Variants in GLP2R observed in about 807,000 individuals in gnomAD.
GLP2R encodes glucagon like peptide 2 receptor, also known as glucagon-like peptide 2 receptor.
A neutral mutation model predicts 68.2 loss-of-function variants in GLP2R; 59 were observed. The ratio of observed to expected loss-of-function variants is 0.87; its 90% CI spans 0.70 to 1.07. The LOEUF is 1.07. Among genes scored for constraint, GLP2R ranks in the 50% least tolerant of loss-of-function variants. GLP2R has a pLI of 0.00. For synonymous variants in GLP2R, 270 were observed against 265.4 expected (o/e 1.02, Z -0.17); for missense variants, 548 against 677.4 (o/e 0.81, Z 2.12).
intron 7 of GLP2R, among the ~76,000 whole-genome samples, chr17:9,860,642 A>T (rs1321114789): frequency 6.6e-6 from 1 of 152,188 alleles, no homozygotes; most frequent in African/African-American, 2.4e-5. Flanking sequence ...CTAAGTAAGT[A>T]CTACCAAAGG....
rs35526930 is a variant in GLP2R at position 9,881,378 on chromosome 17, C to CT, written c.1284+882dup. ...AGTATAAAAGCAGGAGCTGTCAGGC[C>CT]TTTTTTTTTTTTTTTTTTTTGAGAC... On this transcript the variant is annotated intron_variant, in intron 11 of 12. Transcript: ENST00000262441. Among the ~76,000 whole-genome samples the CT allele has an allele frequency of 8.3e-3, 797 of 95,620 alleles. 15 individuals carry two copies. The highest frequency in any genetic ancestry group is 0.033 in the East Asian group (132 of 4,042). 62.7% of individuals were successfully genotyped at this position (95,620 alleles called of 152,430 possible). A position where few individuals can be genotyped will look rare whatever the true frequency, so the allele number is the denominator to read the frequency against.
chr17:9,861,966 T>G (rs1278870040), intron 8 of GLP2R, 55 bp from the exon 9 acceptor site: 4 of 1,252,954 alleles, frequency 3.2e-6, no homozygotes, highest in Non-Finnish European at 3.5e-6. Flanking sequence ...GCTTTGACTT[T>G]CAACCTCCTC....
intron 11 of GLP2R, among the ~76,000 whole-genome samples, chr17:9,882,897 C>A (rs1392742303): frequency 6.6e-6 from 1 of 151,706 alleles, no homozygotes; most frequent in Admixed American, 6.6e-5. Flanking sequence ...GAATCAGAAT[C>A]CTGAGTTGTT....
intron 2 of GLP2R, 105 bp downstream of exon 2, chr17:9,833,999 G>C: frequency 1.3e-6 from 1 of 782,170 alleles, no homozygotes; most frequent in Admixed American, 2.0e-5. Flanking sequence ...GTTTCTGTGG[G>C]TGAGGAATTC....
chr17:9,826,315 C>T (rs2066629211), intron 1 of GLP2R, 63 bp downstream of exon 1: 1 of 1,181,406 alleles, frequency 8.5e-7, no homozygotes, highest in African/African-American at 1.6e-5. Context: ...TTTAAAGAAG[C>T]AATTTAGGCC....
intron 3 of GLP2R, among the ~76,000 whole-genome samples, chr17:9,837,442 G>A (rs2066743004): frequency 6.6e-6 from 1 of 151,326 alleles, no homozygotes; most frequent in Non-Finnish European, 1.5e-5. Flanking sequence ...CCACTGTCAT[G>A]GAGAGGAGAA....
chr17:9,853,999 AC>A (rs1597388130), intron 4 of GLP2R, among the ~76,000 whole-genome samples: 1 of 152,226 alleles, frequency 6.6e-6, no homozygotes, highest in East Asian at 1.9e-4. Context: ...CAATCAGGCG[AC>A]CTGGGACTCA....
At chr17:9,872,703 G>A (rs562740878) in intron 10 of GLP2R, among the ~76,000 whole-genome samples, 5 of 152,308 alleles carry the variant, frequency 3.3e-5, no homozygotes, top group South Asian at 2.1e-4. Context: ...AGCTGGCCAC[G>A]ACCCTAGACT....
intron 5 of GLP2R, among the ~76,000 whole-genome samples, chr17:9,856,920 A>T (rs2066938545): frequency 6.6e-6 from 1 of 151,686 alleles, no homozygotes; most frequent in South Asian, 2.1e-4. Flanking sequence ...TTTGTAGGTG[A>T]TAGCTATTTT....
intron 4 of GLP2R, 100 bp downstream of exon 4, chr17:9,842,716 CT>C (rs2066799525): frequency 7.7e-7 from 1 of 1,291,424 alleles, no homozygotes; most frequent in Non-Finnish European, 1.1e-6. Flanking sequence ...CACAAAGAGG[CT>C]TCTCCAGCGC....
intron 10 of GLP2R, among the ~76,000 whole-genome samples, chr17:9,871,077 C>A (rs1381376299): frequency 1.3e-5 from 2 of 152,090 alleles, no homozygotes; most frequent in African/African-American, 2.4e-5. Context: ...TGTTAAAATG[C>A]CCCTAAGAGG....
intron 3 of GLP2R, among the ~76,000 whole-genome samples, chr17:9,838,189 G>T (rs1010372880): frequency 2.0e-5 from 3 of 152,212 alleles, no homozygotes; most frequent in Admixed American, 6.5e-5. Context: ...AGCACTGGGT[G>T]TGGAGTCAGG....
At chr17:9,836,735 A>G (rs569509113) in intron 3 of GLP2R, among the ~76,000 whole-genome samples, 4 of 152,198 alleles carry the variant, frequency 2.6e-5, no homozygotes, top group Non-Finnish European at 4.4e-5. Flanking sequence ...AAGCATGGAG[A>G]ATGGGGTATC....
chr17:9,838,383 C>T (rs901984651), intron 3 of GLP2R, among the ~76,000 whole-genome samples: 3 of 152,158 alleles, frequency 2.0e-5, no homozygotes, highest in African/African-American at 7.2e-5. Flanking sequence ...CCGCTTGGTC[C>T]GCGGGAGCTG....
At chr17:9,834,095 C>G (rs924526917) in intron 2 of GLP2R, among the ~76,000 whole-genome samples, 1 of 152,148 alleles carries the variant, frequency 6.6e-6, no homozygotes, top group Non-Finnish European at 1.5e-5. Context: ...TACACTTGGC[C>G]GGGGCTTCCA....
rs1040149179 is a variant in GLP2R at position 9,892,050 on chromosome 17, C to A, written c.*2345C>A. 6.6e-6 allele frequency: 1 copy of A among 152,238 alleles called. No individual in the cohort carries two copies. The highest frequency in any genetic ancestry group is 6.5e-5 in the Admixed American group (1 of 15,288). 9.4% of individuals were successfully genotyped at this position (152,238 alleles called of 1,614,324 possible). A position where few individuals can be genotyped will look rare whatever the true frequency, so the allele number is the denominator to read the frequency against. On this transcript the variant is annotated 3_prime_UTR_variant, in exon 13 of 13. Coordinates refer to ENST00000262441, the MANE Select transcript of GLP2R (RefSeq NM_004246.3). ...CTCACTCCACAAATGGGGTGATCAA[C>A]ACTTACTGCTTGCTCTTGTTCTGCT...
At position 9,888,449 on chromosome 17, in the gene GLP2R, T is replaced by C. The variant is rs546348422; in HGVS notation, c.1326+476T>C. On this transcript the variant is annotated intron_variant, in intron 12 of 12. Coordinates refer to ENST00000262441, the MANE Select transcript of GLP2R (RefSeq NM_004246.3). ...ATAAATGCTCAACACCTGGGAACTA[T>C]GATTACATTTTTTTAAAAATTATTT... Among the ~76,000 whole-genome samples, 4 of 152,290 alleles carry C rather than the reference T, an allele frequency of 2.6e-5. No homozygotes were observed. In the South Asian group the frequency reaches 8.3e-4, roughly 32 times the overall value.
intron 4 of GLP2R, among the ~76,000 whole-genome samples, chr17:9,847,651 G>A (rs7207967): frequency 0.018 from 2,801 of 152,188 alleles, 81 homozygotes; most frequent in African/African-American, 0.064. Context: ...CAGGATGACC[G>A]TACCACTGGG....
rs1373841082 is a variant in GLP2R at position 9,890,234 on chromosome 17, CT to C, written c.*531del. On this transcript the variant is annotated 3_prime_UTR_variant, in exon 13 of 13. Coordinates refer to ENST00000262441, the MANE Select transcript of GLP2R (RefSeq NM_004246.3). ...CAGGTAATTCTGCTGCAAGCCCACC[CT>C]TGGAGAACACTGGGCAGGGTGAGAG... 1.1e-5 allele frequency: 4 copies of C among 364,506 alleles called. No homozygotes were observed. The highest frequency in any genetic ancestry group is 3.6e-5 in the Admixed American group (1 of 28,056). The allele number at this position is 364,506 out of a possible 1,614,324, so 22.6% of individuals were successfully genotyped here. A position where few individuals can be genotyped will look rare whatever the true frequency, so the allele number is the denominator to read the frequency against.
Sources: allele counts gnomAD v4.1 joint callset (sites outside exome capture counted in the v4.1 genomes callset), GRCh38; gene constraint gnomAD v4.1.1; transcripts MANE v1.5; gene names NCBI Gene and HGNC (gene_info 2026-07-23, HGNC 2026-07-21).